Variants in CASK observed in about 807,000 individuals in gnomAD.
CASK encodes the protein peripheral plasma membrane protein CASK.
A neutral mutation model predicts 82.9 loss-of-function variants in CASK; 4 were observed. The observed-to-expected ratio is 0.05, with a 90% CI of 0.02 to 0.11. CASK has a LOEUF of 0.11. Among genes scored for constraint, CASK ranks in the 10% least tolerant of loss-of-function variants. CASK has a pLI of 1.00. For missense variants in CASK, 358 were observed against 720.9 expected (o/e 0.50, Z 5.76); for synonymous variants, 259 against 253.5 (o/e 1.02, Z -0.20).
intron 11 of CASK, among the ~76,000 whole-genome samples, chrX:41,612,566 G>A (rs1186599953): frequency 9.4e-6 from 1 of 105,950 alleles, no homozygotes; most frequent in Non-Finnish European, 2.0e-5. Flanking sequence ...GCCCCGTCCG[G>A]GAGGTGAGGG....
chrX:41,682,641 C>T (rs1438902879), intron 5 of CASK, among the ~76,000 whole-genome samples: 31 of 102,211 alleles, frequency 3.0e-4, no homozygotes, highest in Non-Finnish European at 5.5e-4. Flanking sequence ...GACAGGGTCT[C>T]ACTCTGTCAC....
In CASK at chrX:41,518,374, C is replaced by T. The variant is rs1421959577; in HGVS notation, c.*2046G>A. The T allele has an allele frequency of 9.0e-6, 1 of 110,854 alleles. No individual in the cohort carries two copies. Among genetic ancestry groups the T allele is most frequent in the Admixed American group, 9.6e-5 (1 of 10,365 alleles). The allele number at this position is 110,854 out of a possible 1,213,427, so 9.1% of individuals were successfully genotyped here. ...GGCATCTATCAGATTCGAATCAGTT[C>T]TAACACAGCCCTACCCAACTCTTTG... On this transcript the variant is annotated 3_prime_UTR_variant, in exon 27 of 27. Coordinates refer to ENST00000378163, the MANE Select transcript of CASK (RefSeq NM_001367721.1).
intron 2 of CASK, among the ~76,000 whole-genome samples, chrX:41,819,508 C>T (rs749360611): frequency 9.0e-6 from 1 of 111,309 alleles, no homozygotes; most frequent in South Asian, 3.7e-4. Context: ...GATAGTGACA[C>T]TGGTGAATTC....
chrX:41,539,737 T>G (rs1331425912), intron 22 of CASK, among the ~76,000 whole-genome samples: 1 of 112,417 alleles, frequency 8.9e-6, no homozygotes, highest in Non-Finnish European at 1.9e-5. Flanking sequence ...TATGATCTCT[T>G]GTAAAGCAAA....
chrX:41,569,453 A>G (rs1468577673), intron 16 of CASK, among the ~76,000 whole-genome samples: 1 of 111,619 alleles, frequency 9.0e-6, no homozygotes, highest in Non-Finnish European at 1.9e-5. Context: ...GATTCTTTAT[A>G]TGTATCCTTT....
At chrX:41,824,307 GC>G (rs771268499) in intron 2 of CASK, among the ~76,000 whole-genome samples, 2 of 112,251 alleles carry the variant, frequency 1.8e-5, no homozygotes, top group Admixed American at 1.9e-4. Context: ...CACTCCTCAT[GC>G]CACTTATCAA....
intron 1 of CASK, among the ~76,000 whole-genome samples, chrX:41,903,586 C>T (rs956023192): frequency 8.9e-6 from 1 of 111,830 alleles, no homozygotes; most frequent in Non-Finnish European, 1.9e-5. Context: ...GTTGAGGACT[C>T]CTAGTAGAAC....
intron 5 of CASK, chrX:41,683,334 T>C (rs1451472586): frequency 9.0e-6 from 1 of 111,510 alleles, no homozygotes; most frequent in South Asian, 3.8e-4. Context: ...CGGGAGATCA[T>C]ATTGATGCCA....
In CASK at chrX:41,745,424, A is replaced by T. The variant is rs2068670852; in HGVS notation, c.356+100T>A. On this transcript the variant is annotated intron_variant, in intron 4 of 26. Coordinates refer to ENST00000378163, the MANE Select transcript of CASK (RefSeq NM_001367721.1). ...AACAGAGATGTTCCCTGTAGCAAAG[A>T]GCAGCAGCATGCTCTTTATCAGTTT... 1.4e-5 allele frequency: 8 copies of T among 587,776 alleles called. No individual in the cohort carries two copies. In the East Asian group the frequency reaches 2.8e-4, roughly 21 times the overall value. 48.4% of individuals were successfully genotyped at this position (587,776 alleles called of 1,213,427 possible). A position where few individuals can be genotyped will look rare whatever the true frequency, so the allele number is the denominator to read the frequency against.
At chrX:41,747,364 G>A (rs1354470819) in intron 3 of CASK, among the ~76,000 whole-genome samples, 1 of 111,622 alleles carries the variant, frequency 9.0e-6, no homozygotes, top group Non-Finnish European at 1.9e-5. Flanking sequence ...ACGTGATCAT[G>A]CATCTTGGTG....
chrX:41,804,899 G>A (rs2070085097), intron 2 of CASK, among the ~76,000 whole-genome samples: 1 of 111,415 alleles, frequency 9.0e-6, no homozygotes, highest in Admixed American at 9.5e-5. Context: ...AGACACTTAA[G>A]CATTACCTAA....
At chrX:41,913,324 T>C (rs992930528) in intron 1 of CASK, among the ~76,000 whole-genome samples, 24 of 111,934 alleles carry the variant, frequency 2.1e-4, no homozygotes, top group Non-Finnish European at 4.1e-4. Flanking sequence ...GTTGTGCACA[T>C]GTACCCTAAA....
chrX:41,860,314 T>C (rs1487159084), intron 1 of CASK, among the ~76,000 whole-genome samples: 1 of 111,137 alleles, frequency 9.0e-6, no homozygotes, highest in Non-Finnish European at 1.9e-5. Context: ...ACATAGATGG[T>C]GGGTAGGCAA....
At chrX:41,695,812 C>T in intron 5 of CASK, 1 of 1,205,297 alleles carries the variant, frequency 8.3e-7, no homozygotes, top group Non-Finnish European at 1.1e-6. Flanking sequence ...TTAACCACAT[C>T]CTACTCTGTT....
intron 1 of CASK, among the ~76,000 whole-genome samples, chrX:41,873,785 CTTTT>C (rs781735208): frequency 1.1e-5 from 1 of 88,601 alleles, no homozygotes; most frequent in Non-Finnish European, 2.3e-5. Flanking sequence ...TTTGTTGTTC[CTTTT>C]TTTTTTTTTT....
At chrX:41,852,750 T>C (rs1410398530) in intron 2 of CASK, among the ~76,000 whole-genome samples, 3 of 110,586 alleles carry the variant, frequency 2.7e-5, no homozygotes, top group Non-Finnish European at 5.7e-5. Flanking sequence ...AAGTTTCTTC[T>C]GAATCTTCAA....
At chrX:41,875,744 A>G in intron 1 of CASK, among the ~76,000 whole-genome samples, 1 of 111,755 alleles carries the variant, frequency 8.9e-6, no homozygotes, top group Non-Finnish European at 1.9e-5. Context: ...GACTTAAAAT[A>G]GTGGAAACCA....
intron 5 of CASK, chrX:41,698,169 T>C (rs904652093): frequency 2.7e-5 from 3 of 112,011 alleles, no homozygotes; most frequent in African/African-American, 6.5e-5. Flanking sequence ...TATGATAATA[T>C]ATACAAGATA....
chrX:41,712,067 G>T (rs2067986561), intron 5 of CASK, among the ~76,000 whole-genome samples: 1 of 112,639 alleles, frequency 8.9e-6, no homozygotes, highest in South Asian at 3.6e-4. Flanking sequence ...CAGGTAGGGG[G>T]GCGTTGCTGG....
Sources: allele counts gnomAD v4.1 joint callset (sites outside exome capture counted in the v4.1 genomes callset), GRCh38; gene constraint gnomAD v4.1.1; transcripts MANE v1.5; gene names NCBI Gene and HGNC (gene_info 2026-07-23, HGNC 2026-07-21).